The following XIRP2 variants were observed in gnomAD, a reference collection of about 807,000 sequenced individuals.
XIRP2 encodes the protein xin actin binding repeat containing 2, also known as xin actin-binding repeat-containing protein 2.
A neutral mutation model predicts 277.0 loss-of-function variants in XIRP2; 236 were observed. That is an observed-to-expected ratio of 0.85 (90% confidence interval 0.77 to 0.95). The LOEUF (loss-of-function observed/expected upper bound fraction) is 0.95, where lower values mean the gene tolerates loss of function less well. Among genes scored for constraint, XIRP2 ranks in the 40% least tolerant of loss-of-function variants. The pLI, the probability that XIRP2 is intolerant of heterozygous loss-of-function variation, is 0.00. For missense variants in XIRP2, 4,640 were observed against 4,157.5 expected (o/e 1.12, Z -3.19); for synonymous variants, 1,490 against 1,416.5 (o/e 1.05, Z -1.17).
At position 167,163,061 on chromosome 2, in the gene XIRP2, G is replaced by C. The variant is rs911434276; in HGVS notation, c.562+26999G>C. The stretch of plus-strand genomic sequence containing the variant: ...TTCCATTATGTGAACAATTGCAATT[G>C]ATACATTCATTATCTTCTTTATGGA... On this transcript the variant is annotated intron_variant, in intron 3 of 10. Coordinates refer to ENST00000409195, the MANE Select transcript of XIRP2 (RefSeq NM_152381.6). Among the ~76,000 whole-genome samples, 5 of 152,080 alleles carry C rather than the reference G, an allele frequency of 3.3e-5. No homozygotes were observed. In the South Asian group the frequency reaches 1.0e-3, roughly 31 times the overall value.
intron 2 of XIRP2, among the ~76,000 whole-genome samples, chr2:166,959,948 A>T (rs568234451): frequency 3.3e-5 from 5 of 151,908 alleles, no homozygotes; most frequent in African/African-American, 1.2e-4. Context: ...AGGAAAGCAT[A>T]ATTGAGTAAA....
intron 2 of XIRP2, among the ~76,000 whole-genome samples, chr2:167,005,622 A>T (rs757684288): frequency 6.6e-6 from 1 of 151,816 alleles, no homozygotes; most frequent in Non-Finnish European, 1.5e-5. Flanking sequence ...AATAACTTCT[A>T]GTTATGGGGA....
At chr2:167,045,578 G>A (rs1490650609) in intron 2 of XIRP2, among the ~76,000 whole-genome samples, 2 of 151,868 alleles carry the variant, frequency 1.3e-5, no homozygotes, top group Admixed American at 6.6e-5. Flanking sequence ...ATGGGCAAAG[G>A]ACATGAACAA....
chr2:167,134,588 T>C (rs1380336688), intron 2 of XIRP2, among the ~76,000 whole-genome samples: 1 of 152,252 alleles, frequency 6.6e-6, no homozygotes, highest in East Asian at 1.9e-4. Context: ...AGTGCCTTCT[T>C]ATCCATGGGG....
intron 3 of XIRP2, among the ~76,000 whole-genome samples, chr2:167,142,472 C>A (rs1474467001): frequency 6.6e-6 from 1 of 151,818 alleles, no homozygotes; most frequent in Non-Finnish European, 1.5e-5. Context: ...GGCTTGAACC[C>A]GGGAGGTGGA....
At chr2:166,979,514 G>GT (rs532982409) in intron 2 of XIRP2, among the ~76,000 whole-genome samples, 38 of 142,956 alleles carry the variant, frequency 2.7e-4, no homozygotes, top group African/African-American at 2.8e-4. Context: ...TAAGAGTAGG[G>GT]TTTTTTTTTT....
intron 2 of XIRP2, among the ~76,000 whole-genome samples, chr2:167,111,196 G>A (rs1041331307): frequency 2.6e-5 from 4 of 151,942 alleles, no homozygotes; most frequent in African/African-American, 9.7e-5. Flanking sequence ...TTATGGCCAG[G>A]CCTTCCAATA....
At chr2:167,230,066 A>T (rs1694708967) in intron 5 of XIRP2, among the ~76,000 whole-genome samples, 1 of 152,130 alleles carries the variant, frequency 6.6e-6, no homozygotes, top group Non-Finnish European at 1.5e-5. Flanking sequence ...TGGATACCAG[A>T]TGGGGAGCCA....
chr2:167,134,739 A>G (rs998101567), intron 2 of XIRP2, among the ~76,000 whole-genome samples: 2 of 152,196 alleles, frequency 1.3e-5, no homozygotes, highest in Non-Finnish European at 2.9e-5. Flanking sequence ...ATTCACAACA[A>G]TAACTCATAA....
chr2:167,248,103 A>C lies in XIRP2; in HGVS notation c.6711A>C (p.Ala2237=). The change falls in exon 9 of 11, where the codon GCA becomes GCC. Residue 2237 remains alanine, a synonymous_variant. Coordinates refer to ENST00000409195, the MANE Select transcript of XIRP2 (RefSeq NM_152381.6). ...VSEKSHNTFK[A]TNKKRETDVH... ...AAAAAAGTCACAATACATTTAAGGC[A>C]ACCAACAAAAAGCGGGAGACTGATG... 1.2e-6 allele frequency: 2 copies of C among 1,613,310 alleles called. No individual in the cohort carries two copies. The highest frequency in any genetic ancestry group is 2.2e-5 in the East Asian group (1 of 44,822).
At chr2:167,207,747 T>A (rs1280389524) in intron 3 of XIRP2, among the ~76,000 whole-genome samples, 2 of 152,188 alleles carry the variant, frequency 1.3e-5, no homozygotes, top group Non-Finnish European at 2.9e-5. Flanking sequence ...ATAAGTTGGA[T>A]CTATCTATAG....
At chr2:166,995,035 C>T (rs1182019067) in intron 2 of XIRP2, among the ~76,000 whole-genome samples, 1 of 151,978 alleles carries the variant, frequency 6.6e-6, no homozygotes, top group Non-Finnish European at 1.5e-5. Context: ...GTGCGCACCA[C>T]CTCGCCCAGC....
In XIRP2 at chr2:166,923,127, A is replaced by G. The variant is rs114147315; in HGVS notation, c.408+19237A>G. Reference sequence around the variant, plus strand: ...ATCCTCTTTTCTTGTGATGCTATTGATAATAACTTAGGAGTGGTAGCTAAA... The same window carrying G: ...ATCCTCTTTTCTTGTGATGCTATTGGTAATAACTTAGGAGTGGTAGCTAAA... On this transcript the variant is annotated intron_variant, in intron 2 of 10. Transcript: ENST00000409195. Among the ~76,000 whole-genome samples, 736 of 152,236 alleles carry G rather than the reference A, an allele frequency of 4.8e-3. 4 individuals are homozygous for G. Among genetic ancestry groups the G allele is most frequent in the African/African-American group, 0.017 (687 of 41,548 alleles).
chr2:167,127,323 A>G (rs1291841573), intron 2 of XIRP2, among the ~76,000 whole-genome samples: 1 of 152,218 alleles, frequency 6.6e-6, no homozygotes, highest in Non-Finnish European at 1.5e-5. Context: ...ACGATTTTCC[A>G]GCAGATGGCA....
chr2:167,149,668 A>C (rs1011261881), intron 3 of XIRP2, among the ~76,000 whole-genome samples: 2 of 150,276 alleles, frequency 1.3e-5, no homozygotes, highest in African/African-American at 2.5e-5. Flanking sequence ...CAAAACTACA[A>C]GAAATATTGG....
chr2:166,914,384 A>T (rs1415684405), intron 2 of XIRP2, among the ~76,000 whole-genome samples: 1 of 152,168 alleles, frequency 6.6e-6, no homozygotes. Context: ...TCTGTCACCC[A>T]GGCTGGAGTG....
chr2:167,107,517 T>C, intron 2 of XIRP2, among the ~76,000 whole-genome samples: 1 of 151,768 alleles, frequency 6.6e-6, no homozygotes. Context: ...AGTTTTATAA[T>C]ATTGAACCAG....
chr2:166,925,919 T>A (rs903202147), intron 2 of XIRP2, among the ~76,000 whole-genome samples: 1 of 151,510 alleles, frequency 6.6e-6, no homozygotes, highest in Non-Finnish European at 1.5e-5. Context: ...AATAAAAATT[T>A]AAAAAATAGC....
intron 2 of XIRP2, among the ~76,000 whole-genome samples, chr2:166,907,966 AGTATTCCATG>A (rs1158433561): frequency 1.3e-5 from 2 of 152,098 alleles, no homozygotes; most frequent in Non-Finnish European, 2.9e-5. Flanking sequence ...ATGGCTGCAT[AGTATTCCATG>A]GTGTATATGT....
Sources: allele counts gnomAD v4.1 joint callset (sites outside exome capture counted in the v4.1 genomes callset), GRCh38; gene constraint gnomAD v4.1.1; transcripts MANE v1.5; gene names NCBI Gene and HGNC (gene_info 2026-07-23, HGNC 2026-07-21).